The following NOMO2 variants were observed in gnomAD, a reference collection of about 807,000 sequenced individuals.
The protein encoded by NOMO2 is BOS complex subunit NOMO2.
Under a neutral mutation model 67.1 loss-of-function variants are expected in NOMO2, and 14 were observed. The observed-to-expected ratio is 0.21, with a 90% CI of 0.14 to 0.33. The LOEUF (loss-of-function observed/expected upper bound fraction) is 0.33. Among genes scored for constraint, NOMO2 ranks in the 10% least tolerant of loss-of-function variants. The probability of loss-of-function intolerance (pLI) is 1.00; values close to 1 mark genes in which losing one functional copy is unlikely to be tolerated. For missense variants in NOMO2, 178 were observed against 761.0 expected (o/e 0.23, Z 9.01); for synonymous variants, 80 against 305.9 (o/e 0.26, Z 7.71).
At chr16:18,557,849 C>A in intron 1 of NOMO2, 58 bp from the exon 2 acceptor site, 1 of 1,579,184 alleles carries the variant, frequency 6.3e-7, no homozygotes. Context: ...ATTAACTACA[C>A]ATGTTACACC....
In NOMO2 at chr16:18,562,017, C is replaced by G; in HGVS notation, c.24G>C (p.Gly8=). 2 of 1,535,926 alleles carry G rather than the reference C, an allele frequency of 1.3e-6. No homozygotes were observed. The highest frequency in any genetic ancestry group is 1.7e-6 in the Non-Finnish European group (2 of 1,143,416). The change falls in exon 1 of 31, where the codon GGG becomes GGC. Residue 8 remains glycine (G), a synonymous_variant. Transcript: ENST00000622306. The part of the protein sequence containing the change: MLVGQGA[G]LLGPAVVTAA... The stretch of plus-strand genomic sequence containing the variant: ...CGGTGACCACCGCGGGCCCCAGCAG[C>G]CCCGCGCCCTGGCCCACCAGCATGG...
At chr16:18,546,273 T>C (rs902491758) in intron 6 of NOMO2, among the ~76,000 whole-genome samples, 5 of 55,954 alleles carry the variant, frequency 8.9e-5, no homozygotes, top group African/African-American at 3.2e-4. Context: ...AGCAAGACCC[T>C]GTTGCAAAAA....
intron 1 of NOMO2, among the ~76,000 whole-genome samples, chr16:18,560,303 TGG>T (rs1369191740): frequency 1.3e-5 from 2 of 151,424 alleles, no homozygotes; most frequent in Non-Finnish European, 1.5e-5. Context: ...CACTTTGAAA[TGG>T]GTCACAAAAC....
intron 1 of NOMO2, among the ~76,000 whole-genome samples, chr16:18,560,001 C>T (rs1220872603): frequency 6.6e-6 from 1 of 151,522 alleles, no homozygotes; most frequent in Non-Finnish European, 1.5e-5. Context: ...TGCCGGGGCT[C>T]AGTAAATAGT....
At chr16:18,536,667 G>A (rs1356223925) in intron 11 of NOMO2, among the ~76,000 whole-genome samples, 1 of 152,066 alleles carries the variant, frequency 6.6e-6, no homozygotes, top group African/African-American at 2.4e-5. Context: ...AGATGTATTT[G>A]TCTTCAGTCT....
Position 18,533,107 on chromosome 16 carries a change from A to G in NOMO2, c.1293T>C (p.Val431=). The part of the protein sequence containing the change: ...DTVKQMNKYK[V]VLSSQDKDKS... ...TGTCCTTGTCTTGAGATGACAGGACAACTTTGTATTTATTCATCTGCTTGA... is the reference window on the plus strand; with the variant it reads ...TGTCCTTGTCTTGAGATGACAGGACGACTTTGTATTTATTCATCTGCTTGA... Residue 431 remains valine, a synonymous_variant, in exon 12 of 31, where the codon GTT becomes GTC. Transcript: ENST00000622306. 6.2e-7 allele frequency: 1 copy of G among 1,611,316 alleles called. No homozygotes were observed. The highest frequency in any genetic ancestry group is 8.5e-7 in the Non-Finnish European group (1 of 1,179,684).
At chr16:18,558,974 T>A in intron 1 of NOMO2, 1 of 421,358 alleles carries the variant, frequency 2.4e-6, no homozygotes, top group South Asian at 1.6e-5. Flanking sequence ...GAGACCAGCC[T>A]GGACAACACA....
At chr16:18,544,807 A>T (rs1377795649) in intron 6 of NOMO2, among the ~76,000 whole-genome samples, 1 of 151,662 alleles carries the variant, frequency 6.6e-6, no homozygotes, top group East Asian at 1.9e-4. Flanking sequence ...TACAATAAAC[A>T]CAGAGAAAAG....
chr16:18,556,696 T>C (rs1311345649), intron 2 of NOMO2, among the ~76,000 whole-genome samples: 1 of 152,098 alleles, frequency 6.6e-6, no homozygotes, highest in Non-Finnish European at 1.5e-5. Context: ...GAGGATGGGA[T>C]TGTATAGAGG....
chr16:18,529,041 A>C (rs1336900450), intron 15 of NOMO2, among the ~76,000 whole-genome samples: 22 of 58,162 alleles, frequency 3.8e-4, no homozygotes, highest in African/African-American at 1.1e-3. Context: ...ATATATATAT[A>C]TCAGAGAAAC....
At chr16:18,528,076 A>G (rs1339656735) in intron 15 of NOMO2, 3 of 461,198 alleles carry the variant, frequency 6.5e-6, no homozygotes, top group South Asian at 4.6e-5. Flanking sequence ...CTGCGCCTGA[A>G]TGAGGAGGAA....
chr16:18,538,844 G>GACACAGCAGCCC lies in NOMO2; in HGVS notation c.1069+14_1069+15insGGGCTGCTGTGT. On this transcript the variant is annotated intron_variant, in intron 10 of 30. Transcript: ENST00000622306. ...GAGCGCTGGCCATCAGCCTGGGGCT[G>GACACAGCAGCCC]CTGTGTCAGCCCACCTTTGATTTGG... is the stretch of plus-strand genomic sequence containing the variant. The GACACAGCAGCCC allele has an allele frequency of 6.7e-7, 1 of 1,489,880 alleles. No homozygotes were observed. Among genetic ancestry groups the GACACAGCAGCCC allele is most frequent in the Non-Finnish European group, 9.2e-7 (1 of 1,092,690 alleles). The allele number at this position is 1,489,880 out of a possible 1,614,324, so 92.3% of individuals were successfully genotyped here.
At chr16:18,555,751 G>A (rs1175180185) in intron 2 of NOMO2, among the ~76,000 whole-genome samples, 4 of 79,124 alleles carry the variant, frequency 5.1e-5, no homozygotes, top group Admixed American at 1.7e-4. Flanking sequence ...TGGGACTACA[G>A]GCATCCACGT....
Position 18,560,608 on chromosome 16 carries a change from C to T in NOMO2, c.165+1268G>A, listed in dbSNP as rs138184805. Reference sequence around the variant, plus strand: ...ATTCATTCAATGCCTGACCTCTGACCTCTTCAGCCTGAAAAAGCAGCAAAC... The same window carrying T: ...ATTCATTCAATGCCTGACCTCTGACTTCTTCAGCCTGAAAAAGCAGCAAAC... On this transcript the variant is annotated intron_variant, in intron 1 of 30. Transcript: ENST00000622306. Among the ~76,000 whole-genome samples, 453 of 151,914 alleles carry T rather than the reference C, an allele frequency of 3.0e-3. 11 individuals carry two copies. Among genetic ancestry groups the T allele is most frequent in the East Asian group, 0.022 (114 of 5,092 alleles).
At chr16:18,529,988 T>C (rs1161108355) in intron 14 of NOMO2, among the ~76,000 whole-genome samples, 2 of 134,972 alleles carry the variant, frequency 1.5e-5, no homozygotes, top group African/African-American at 2.6e-5. Flanking sequence ...TGGTGGTGCA[T>C]GCCTGTAATC....
Position 18,557,313 on chromosome 16 carries a change from T to C in NOMO2, c.255+389A>G, listed in dbSNP as rs576664041. Among the ~76,000 whole-genome samples, 35 of 151,430 alleles carry C rather than the reference T, an allele frequency of 2.3e-4. 1 individual carries two copies. Among genetic ancestry groups the C allele is most frequent in the African/African-American group, 6.8e-4 (28 of 41,240 alleles). ...CTTGTACAATTGTTTTAACAATACTTTAAGCTGCTTGCAAGTAACGGGTTC... is the reference window on the plus strand; with the variant it reads ...CTTGTACAATTGTTTTAACAATACTCTAAGCTGCTTGCAAGTAACGGGTTC... On this transcript the variant is annotated intron_variant, in intron 2 of 30. Transcript: ENST00000622306.
At chr16:18,534,262 C>A (rs1901370708) in intron 11 of NOMO2, among the ~76,000 whole-genome samples, 2 of 151,620 alleles carry the variant, frequency 1.3e-5, no homozygotes, top group South Asian at 4.2e-4. Flanking sequence ...AGCAAACTAC[C>A]ACCCAAGGAC....
rs557002505 is a variant in NOMO2 at position 18,531,710 on chromosome 16, T to C, written c.1396-103A>G. 108 of 1,564,106 alleles carry C rather than the reference T, an allele frequency of 6.9e-5. 2 individuals carry two copies. The African/African-American group carries it at 1.3e-3, about 19-fold the overall frequency. ...CATCTGGGACTAAGGCTAAAGAGAT[T>C]TTGAAGGCCAAAGGTTCGTTTCCAG... On this transcript the variant is annotated intron_variant, in intron 12 of 30. Coordinates refer to ENST00000622306, the MANE Select transcript of NOMO2 (RefSeq NM_173614.4).
At chr16:18,544,470 G>T (rs1431926115) in intron 6 of NOMO2, among the ~76,000 whole-genome samples, 1 of 152,136 alleles carries the variant, frequency 6.6e-6, no homozygotes, top group African/African-American at 2.4e-5. Flanking sequence ...CTCTGTACGT[G>T]TTGCCAAGTC....
Sources: allele counts gnomAD v4.1 joint callset (sites outside exome capture counted in the v4.1 genomes callset), GRCh38; gene constraint gnomAD v4.1.1; transcripts MANE v1.5; gene names NCBI Gene and HGNC (gene_info 2026-07-23, HGNC 2026-07-21).